The following SMOX variants were observed in gnomAD, a reference collection of about 807,000 sequenced individuals.
SMOX encodes the protein spermine oxidase, also known as flavin containing amine oxidase.
In SMOX, 22 loss-of-function variants were observed where a neutral mutation model predicts 51.0. The observed-to-expected ratio is 0.43, with a 90% CI of 0.31 to 0.62. The LOEUF is 0.62. Ranked by LOEUF, SMOX falls within the 20% of genes least tolerant of loss-of-function variation. The probability of loss-of-function intolerance (pLI) is 0.10; values close to 1 mark genes in which losing one functional copy is unlikely to be tolerated. For missense variants in SMOX, 566 were observed against 777.7 expected (o/e 0.73, Z 3.24); for synonymous variants, 282 against 307.8 (o/e 0.92, Z 0.88).
Position 4,172,267 on chromosome 20 carries a change from C to CG in SMOX, c.-26-2761dup, listed in dbSNP as rs1978450376. 2.0e-5 allele frequency among the ~76,000 whole-genome samples: 3 copies of CG among 152,170 alleles called. No homozygotes were observed. On this transcript the variant is annotated intron_variant, in intron 1 of 6. Coordinates refer to ENST00000305958, the MANE Select transcript of SMOX (RefSeq NM_175839.3). This position sits in a 1 kb window ranked among gnomAD's most constrained non-coding sequence, Gnocchi z 7.7. ...CGTCAGTCCAGGGTGCCCAGGGTGG[C>CG]GGCGTCCCCGTCGCAGCTGGCGCGG...
intron 2 of SMOX, among the ~76,000 whole-genome samples, chr20:4,175,690 A>G (rs892774775): frequency 4.6e-5 from 7 of 152,130 alleles, no homozygotes; most frequent in Admixed American, 1.3e-4. Context: ...AGCAGAGATG[A>G]AAGGGGATTT....
Position 4,172,625 on chromosome 20 carries a change from G to T in SMOX, c.-26-2405G>T, listed in dbSNP as rs952294143. 1.3e-5 allele frequency among the ~76,000 whole-genome samples: 2 copies of T among 152,130 alleles called. No homozygotes were observed. Among genetic ancestry groups the T allele is most frequent in the Admixed American group, 6.5e-5 (1 of 15,280 alleles). ...GTGGCCTCATCCCCAGCGAAAGCGC[G>T]ACACCCGCTGTCTGGGAAGGGGAGC... is the stretch of plus-strand genomic sequence containing the variant. On this transcript the variant is annotated intron_variant, in intron 1 of 6. Coordinates refer to ENST00000305958, the MANE Select transcript of SMOX (RefSeq NM_175839.3). This position sits in a 1 kb window ranked among gnomAD's most constrained non-coding sequence, Gnocchi z 7.7.
chr20:4,165,307 G>C (rs1195243055), intron 1 of SMOX, among the ~76,000 whole-genome samples: 5 of 151,990 alleles, frequency 3.3e-5, no homozygotes, highest in African/African-American at 1.2e-4. Flanking sequence ...GCCCGCCTTG[G>C]CCTCCCAAAG....
At chr20:4,159,449 G>C (rs1234566760) in intron 1 of SMOX, among the ~76,000 whole-genome samples, 1 of 152,166 alleles carries the variant, frequency 6.6e-6, no homozygotes, top group Non-Finnish European at 1.5e-5. Context: ...AAGGCCTGAG[G>C]CTTAATATAT....
At chr20:4,178,189 G>A (rs771053760) in intron 3 of SMOX, among the ~76,000 whole-genome samples, 3 of 152,114 alleles carry the variant, frequency 2.0e-5, no homozygotes, top group Non-Finnish European at 2.9e-5. Context: ...TTACAGGCAC[G>A]TGGCATGCCC....
chr20:4,164,060 T>C (rs752430442), intron 1 of SMOX, among the ~76,000 whole-genome samples: 11 of 152,116 alleles, frequency 7.2e-5, no homozygotes, highest in Non-Finnish European at 1.6e-4. Flanking sequence ...AACCCTAGCC[T>C]GGGAGCTCCA....
chr20:4,187,462 T>A lies in SMOX; in HGVS notation c.*55T>A. ...TAACTCGTGACCTCCAGCCTGCCCC[T>A]TGCTGCCGTGTGCTCCTGCCTTCCT... is the stretch of plus-strand genomic sequence containing the variant. On this transcript the variant is annotated 3_prime_UTR_variant, in exon 7 of 7. Transcript: ENST00000305958. The surrounding 1 kb of genome is among the most constrained non-coding windows in gnomAD (Gnocchi z 4.8). The A allele has an allele frequency of 6.3e-7, 1 of 1,590,508 alleles. No homozygotes were observed. Among genetic ancestry groups the A allele is most frequent in the South Asian group, 1.1e-5 (1 of 87,824 alleles).
chr20:4,154,166 C>G (rs770024930), intron 1 of SMOX, among the ~76,000 whole-genome samples: 5 of 152,044 alleles, frequency 3.3e-5, no homozygotes, highest in Non-Finnish European at 7.3e-5. Context: ...GGCTGCCAAG[C>G]TGCTGAGTCT....
chr20:4,149,756 G>C lies in SMOX; in HGVS notation c.-27+779G>C, dbSNP rs1985639840. ...CTTGGCCCGATGAGATACGCTCGGT[G>C]CCCGGCACGTATAGTGAGAGGTGCC... On this transcript the variant is annotated intron_variant, in intron 1 of 6. Coordinates refer to ENST00000305958, the MANE Select transcript of SMOX (RefSeq NM_175839.3). The surrounding 1 kb of genome is among the most constrained non-coding windows in gnomAD (Gnocchi z 6.0). Among the ~76,000 whole-genome samples the C allele has an allele frequency of 6.6e-6, 1 of 152,160 alleles. No homozygotes were observed. Among genetic ancestry groups the C allele is most frequent in the Non-Finnish European group, 1.5e-5 (1 of 68,010 alleles).
chr20:4,169,772 G>A (rs1986743201), intron 1 of SMOX, among the ~76,000 whole-genome samples: 1 of 152,116 alleles, frequency 6.6e-6, no homozygotes, highest in Non-Finnish European at 1.5e-5. Flanking sequence ...CTGGTGGTTC[G>A]AGCAACACCC....
Position 4,182,380 on chromosome 20 carries a change from CG to C in SMOX, c.908del (p.Gly303AlafsTer20), listed in dbSNP as rs746816975. Reference sequence around the variant, plus strand: ...GGGTGGCCAGGGTGGAGAGGAGCCCCGGGGGGGCAGGTGGGATGAGGATGAG... The same window carrying C: ...GGGTGGCCAGGGTGGAGAGGAGCCCCGGGGGGCAGGTGGGATGAGGATGAG... ...GEGGQGGEEP[R>X]GGRWDEDEQW... is the part of the protein sequence containing the mutation. On this transcript the variant is annotated frameshift_variant, in exon 5 of 7. Coordinates refer to ENST00000305958, the MANE Select transcript of SMOX (RefSeq NM_175839.3). LOFTEE classifies it high-confidence loss of function. The surrounding 1 kb of genome is among the most constrained non-coding windows in gnomAD (Gnocchi z 8.4). 7 of 1,595,958 alleles carry C rather than the reference CG, an allele frequency of 4.4e-6. No homozygotes were observed. The highest frequency in any genetic ancestry group is 4.3e-6 in the Non-Finnish European group (5 of 1,169,812).
rs111319185 is a variant in SMOX at position 4,170,526 on chromosome 20, G to A, written c.-26-4504G>A. Among the ~76,000 whole-genome samples, 2,711 of 152,116 alleles carry A rather than the reference G, an allele frequency of 0.018. 46 individuals carry two copies. Among genetic ancestry groups the A allele is most frequent in the Middle Eastern group, 0.027 (8 of 294 alleles). On this transcript the variant is annotated intron_variant, in intron 1 of 6. Transcript: ENST00000305958. The surrounding 1 kb of genome is among the most constrained non-coding windows in gnomAD (Gnocchi z 4.6). ...CTGTTGCCCAGGCTGGAGCACCATG[G>A]TGCCATCTCAGCTCACTGCAACTAG...
chr20:4,180,092 G>A (rs1979209838), intron 3 of SMOX, among the ~76,000 whole-genome samples: 1 of 152,230 alleles, frequency 6.6e-6, no homozygotes, highest in East Asian at 1.9e-4. Flanking sequence ...AAAAACCCAG[G>A]GAGGAGGCAA....
At chr20:4,173,367 G>A (rs1316928070) in intron 1 of SMOX, among the ~76,000 whole-genome samples, 1 of 152,192 alleles carries the variant, frequency 6.6e-6, no homozygotes, top group Admixed American at 6.5e-5. Flanking sequence ...CGTGATTGAG[G>A]TGCATCTGTG....
intron 1 of SMOX, among the ~76,000 whole-genome samples, chr20:4,173,488 G>A (rs149227438): frequency 2.0e-5 from 3 of 152,304 alleles, no homozygotes; most frequent in South Asian, 2.1e-4. Context: ...TGATAGACCC[G>A]TGGGGTGTTT....
At chr20:4,155,797 G>T (rs1042760158) in intron 1 of SMOX, among the ~76,000 whole-genome samples, 5 of 151,872 alleles carry the variant, frequency 3.3e-5, no homozygotes, top group East Asian at 1.9e-4. Context: ...TGCTGGAAGC[G>T]GGGTAGCAGT....
chr20:4,173,195 G>A (rs574565559), intron 1 of SMOX, among the ~76,000 whole-genome samples: 26 of 152,208 alleles, frequency 1.7e-4, no homozygotes, highest in African/African-American at 6.0e-4. Flanking sequence ...TATTTATTCC[G>A]TCTACCCCAG....
chr20:4,150,515 G>T (rs1985685706), intron 1 of SMOX, among the ~76,000 whole-genome samples: 2 of 152,156 alleles, frequency 1.3e-5, no homozygotes, highest in South Asian at 4.1e-4. Flanking sequence ...AGCTCCAAAT[G>T]TTGGAGGGCC....
At chr20:4,160,851 TTG>T (rs1282622499) in intron 1 of SMOX, among the ~76,000 whole-genome samples, 1 of 152,000 alleles carries the variant, frequency 6.6e-6, no homozygotes, top group Non-Finnish European at 1.5e-5. Context: ...TCGTGTCTCT[TTG>T]TGGGCAGAAA....
Sources: allele counts gnomAD v4.1 joint callset (sites outside exome capture counted in the v4.1 genomes callset), GRCh38; gene constraint gnomAD v4.1.1; non-coding constraint Gnocchi (gnomAD v3.1); transcripts MANE v1.5; gene names NCBI Gene and HGNC (gene_info 2026-07-23, HGNC 2026-07-21).